The following DENND5A variants were observed in gnomAD, a reference collection of about 807,000 sequenced individuals.
The protein encoded by DENND5A is DENN domain containing 5A.
DENND5A carries 64 observed loss-of-function variants against 140.3 expected under a neutral mutation model. The ratio of observed to expected loss-of-function variants is 0.46; its 90% CI spans 0.37 to 0.56. The LOEUF is 0.56. DENND5A is among the 20% of genes least tolerant of loss of function. The probability of loss-of-function intolerance (pLI) is 0.00; values close to 1 mark genes in which losing one functional copy is unlikely to be tolerated. For synonymous variants in DENND5A, 605 were observed against 607.7 expected (o/e 1.00, Z 0.07); for missense variants, 1,292 against 1,593.8 (o/e 0.81, Z 3.22).
chr11:9,243,408 G>A (rs1407776859), intron 1 of DENND5A, among the ~76,000 whole-genome samples: 2 of 152,054 alleles, frequency 1.3e-5, no homozygotes, highest in Admixed American at 6.6e-5. Flanking sequence ...TACACACTAC[G>A]GTTGACCCTT....
chr11:9,144,335 A>T, intron 18 of DENND5A, 57 bp from the exon 19 acceptor site: 1 of 1,570,872 alleles, frequency 6.4e-7, no homozygotes, highest in Non-Finnish European at 8.7e-7. Context: ...TGCTCACAGG[A>T]AGAGCCATCA....
At chr11:9,139,942 G>T in intron 22 of DENND5A, 88 bp from the exon 23 acceptor site, 1 of 1,340,594 alleles carries the variant, frequency 7.5e-7, no homozygotes, top group South Asian at 1.3e-5. Flanking sequence ...GGGAAACCAT[G>T]AACTAAGTCT....
intron 10 of DENND5A, 125 bp downstream of exon 10, chr11:9,169,731 C>A (rs915917969): frequency 1.5e-6 from 1 of 646,872 alleles, no homozygotes; most frequent in Non-Finnish European, 2.8e-6. Context: ...CTATTATTAA[C>A]CCTTCTTTAT....
intron 1 of DENND5A, 72 bp downstream of exon 1, chr11:9,264,889 A>G: frequency 7.5e-7 from 1 of 1,330,596 alleles, no homozygotes; most frequent in Non-Finnish European, 1.0e-6. Context: ...AGCGGGGCTG[A>G]AGGAAGGTTT....
At position 9,203,749 on chromosome 11, in the gene DENND5A, T is replaced by C. The variant is rs746941797; in HGVS notation, c.860A>G (p.Lys287Arg). 4.3e-6 allele frequency: 7 copies of C among 1,614,064 alleles called. No homozygotes were observed. The highest frequency in any genetic ancestry group is 2.7e-5 in the African/African-American group (2 of 74,922). ...CACCCCGAGCAGTTCAAAAACCTCT[T>C]TGACAGGAAAGTCAAATAGGGGAAG... ...NELPLFDFPVKEVFELLGVEN... is the reference protein window; with the variant it reads ...NELPLFDFPVREVFELLGVEN... The change falls in exon 4 of 23, where the codon AAA becomes AGA. Residue 287 changes from lysine (K) to arginine (R), a missense_variant. This residue lies in a region of DENND5A where 566 missense variants were observed against 650.4 expected (regional missense o/e 0.87). Coordinates refer to ENST00000328194, the MANE Select transcript of DENND5A (RefSeq NM_015213.4).
rs147036054 is a variant in DENND5A at position 9,228,288 on chromosome 11, G to A, written c.110-20656C>T. ...ACCTACTAAATAGCTTAAGCTAATA[G>A]CTTAAGGATGGTGGCTGGTCACCAG... On this transcript the variant is annotated intron_variant, in intron 1 of 22. Coordinates refer to ENST00000328194, the MANE Select transcript of DENND5A (RefSeq NM_015213.4). Among the ~76,000 whole-genome samples, 272 of 152,168 alleles carry A rather than the reference G, an allele frequency of 1.8e-3. 1 individual carries two copies. The highest frequency in any genetic ancestry group is 5.6e-3 in the African/African-American group (231 of 41,534).
At chr11:9,189,050 T>C (rs1849018371) in intron 5 of DENND5A, among the ~76,000 whole-genome samples, 3 of 152,166 alleles carry the variant, frequency 2.0e-5, no homozygotes, top group Admixed American at 6.5e-5. Context: ...AAAAGTGGTT[T>C]CGTGGGCCTG....
intron 12 of DENND5A, among the ~76,000 whole-genome samples, chr11:9,158,584 T>C (rs1847883373): frequency 2.6e-5 from 4 of 151,862 alleles, no homozygotes; most frequent in Admixed American, 2.6e-4. Flanking sequence ...TAAAATAAAA[T>C]AAAATTCCAT....
At chr11:9,237,095 C>T (rs554412851) in intron 1 of DENND5A, among the ~76,000 whole-genome samples, 120 of 152,248 alleles carry the variant, frequency 7.9e-4, no homozygotes, top group African/African-American at 2.7e-3. Flanking sequence ...AAAAGATGTT[C>T]AGCCTAATAA....
intron 1 of DENND5A, among the ~76,000 whole-genome samples, chr11:9,227,108 CAG>C (rs1357762465): frequency 6.6e-6 from 1 of 151,866 alleles, no homozygotes; most frequent in Admixed American, 6.6e-5. Flanking sequence ...GCAGAGGTTA[CAG>C]TAAGGTGAGA....
At chr11:9,182,787 A>G (rs993657015) in intron 5 of DENND5A, among the ~76,000 whole-genome samples, 2 of 152,176 alleles carry the variant, frequency 1.3e-5, no homozygotes, top group Non-Finnish European at 2.9e-5. Flanking sequence ...ATAGAAAGAG[A>G]CTGATTATCC....
chr11:9,224,108 C>T (rs547123613), intron 1 of DENND5A, among the ~76,000 whole-genome samples: 1 of 152,244 alleles, frequency 6.6e-6, no homozygotes, highest in East Asian at 1.9e-4. Context: ...GCAGGAGAAT[C>T]GCTTGAACCT....
intron 5 of DENND5A, among the ~76,000 whole-genome samples, chr11:9,183,298 G>A (rs1848795799): frequency 1.3e-5 from 2 of 152,030 alleles, no homozygotes; most frequent in South Asian, 4.1e-4. Flanking sequence ...CTTGTTTTGA[G>A]GATTATATAA....
intron 1 of DENND5A, among the ~76,000 whole-genome samples, chr11:9,250,453 A>T (rs1851672299): frequency 6.6e-6 from 1 of 152,156 alleles, no homozygotes; most frequent in Non-Finnish European, 1.5e-5. Context: ...TGTGGGCTGG[A>T]GACTGAACCA....
At chr11:9,140,240 A>G in intron 22 of DENND5A, 3 of 1,302,684 alleles carry the variant, frequency 2.3e-6, no homozygotes, top group Non-Finnish European at 3.0e-6. Context: ...TTTAATCTTC[A>G]TGATAACCCT....
chr11:9,260,186 T>G (rs889678934), intron 1 of DENND5A, among the ~76,000 whole-genome samples: 27 of 152,130 alleles, frequency 1.8e-4, no homozygotes, highest in Non-Finnish European at 2.1e-4. Context: ...CCTGGGAAAA[T>G]TGGAGTACAA....
intron 15 of DENND5A, 25 bp from the exon 16 acceptor site, chr11:9,147,176 A>AGGT: frequency 6.2e-7 from 1 of 1,610,342 alleles, no homozygotes; most frequent in South Asian, 1.1e-5. Context: ...GTAATACATC[A>AGGT]GTCTCCGACC....
At chr11:9,256,584 T>C (rs1331376883) in intron 1 of DENND5A, among the ~76,000 whole-genome samples, 1 of 152,220 alleles carries the variant, frequency 6.6e-6, no homozygotes, top group Non-Finnish European at 1.5e-5. Flanking sequence ...TGATACATGC[T>C]ACAACATGAG....
At chr11:9,258,159 T>C (rs1046887237) in intron 1 of DENND5A, among the ~76,000 whole-genome samples, 1 of 152,146 alleles carries the variant, frequency 6.6e-6, no homozygotes, top group Non-Finnish European at 1.5e-5. Context: ...CTGGGGTACA[T>C]GTGCAGAACA....
Sources: allele counts gnomAD v4.1 joint callset (sites outside exome capture counted in the v4.1 genomes callset), GRCh38; gene constraint gnomAD v4.1.1; regional missense constraint gnomAD v4.1.1; transcripts MANE v1.5; gene names NCBI Gene and HGNC (gene_info 2026-07-23, HGNC 2026-07-21).